The following CFLAR variants were observed in gnomAD, a reference collection of about 807,000 sequenced individuals.
CFLAR encodes CASP8 and FADD-like apoptosis regulator.
CFLAR carries 14 observed loss-of-function variants against 51.1 expected under a neutral mutation model. That is an observed-to-expected ratio of 0.27 (90% CI 0.18 to 0.43). The LOEUF (loss-of-function observed/expected upper bound fraction) is 0.43. Among genes scored for constraint, CFLAR ranks in the 20% least tolerant of loss-of-function variants. The pLI is 1.00. For synonymous variants in CFLAR, 210 were observed against 211.6 expected (o/e 0.99, Z 0.06); for missense variants, 390 against 566.5 (o/e 0.69, Z 3.16).
intron 4 of CFLAR, chr2:201,136,478 G>A (rs537664106): frequency 7.5e-5 from 120 of 1,593,456 alleles, no homozygotes; most frequent in African/African-American, 5.6e-4. Context: ...GTCCAACTTC[G>A]GGTGATGTCA....
chr2:201,117,420 G>A lies in CFLAR; in HGVS notation c.-138+939G>A, dbSNP rs568392495. Among the ~76,000 whole-genome samples, 5 of 152,292 alleles carry A rather than the reference G, an allele frequency of 3.3e-5. No individual in the cohort carries two copies. The South Asian group carries it at 1.0e-3, about 32-fold the overall frequency. ...GTAGAACAAAGGCCACTGAAATTCA[G>A]AATCAGTTTTTGGCTCCACGGGCAG... On this transcript the variant is annotated intron_variant, in intron 1 of 9. Transcript: ENST00000309955.
intron 5 of CFLAR, among the ~76,000 whole-genome samples, chr2:201,141,038 C>T (rs373297423): frequency 3.2e-4 from 48 of 152,188 alleles, no homozygotes; most frequent in African/African-American, 1.1e-3. Context: ...CGAGACTGGC[C>T]TGGCCAACAT....
rs1943924701 is a variant in CFLAR at position 201,170,147 on chromosome 2, AT to A, written c.*6175del. 1 of 152,236 alleles carries A rather than the reference AT, an allele frequency of 6.6e-6. No individual in the cohort carries two copies. Among genetic ancestry groups the A allele is most frequent in the Admixed American group, 6.5e-5 (1 of 15,280 alleles). The allele number at this position is 152,236 out of a possible 1,614,324, so 9.4% of individuals were successfully genotyped here. On this transcript the variant is annotated 3_prime_UTR_variant, in exon 10 of 10. Coordinates refer to ENST00000309955, the MANE Select transcript of CFLAR (RefSeq NM_003879.7). ...ATAAACCATTTTATTATAAAGATAC[AT>A]GCACATTTTTGTTCATTGCAGCACT...
chr2:201,145,063 G>A (rs1296528147), intron 5 of CFLAR, among the ~76,000 whole-genome samples: 1 of 152,064 alleles, frequency 6.6e-6, no homozygotes, highest in Non-Finnish European at 1.5e-5. Flanking sequence ...ATGTTGGCCA[G>A]GCCGGTCTGG....
intron 6 of CFLAR, chr2:201,148,263 T>G (rs1940631313): frequency 6.6e-6 from 1 of 152,190 alleles, no homozygotes. Flanking sequence ...TTATACATAT[T>G]TTTAATAATC....
At chr2:201,130,986 C>G (rs1321393565) in intron 2 of CFLAR, among the ~76,000 whole-genome samples, 1 of 152,226 alleles carries the variant, frequency 6.6e-6, no homozygotes, top group Admixed American at 6.5e-5. Flanking sequence ...TCAGGGTGGG[C>G]TCCCTTCCTG....
At chr2:201,126,529 G>A (rs926366034) in intron 1 of CFLAR, among the ~76,000 whole-genome samples, 1 of 152,180 alleles carries the variant, frequency 6.6e-6, no homozygotes, top group East Asian at 1.9e-4. Flanking sequence ...GTGAAAACAA[G>A]GCTAAGTGAT....
chr2:201,129,694 A>G (rs749654090), intron 1 of CFLAR, 35 bp from the exon 2 acceptor site: 3 of 623,460 alleles, frequency 4.8e-6, no homozygotes, highest in African/African-American at 1.8e-5. Flanking sequence ...AGTTAGCTTG[A>G]TAAGATTTTC....
At chr2:201,136,313 G>C (rs2050112077) in intron 4 of CFLAR, 1 of 1,598,760 alleles carries the variant, frequency 6.3e-7, no homozygotes, top group Non-Finnish European at 8.5e-7. Flanking sequence ...GTATATTCAT[G>C]ATCTCTGCAA....
At chr2:201,147,364 A>C (rs1215400989) in intron 6 of CFLAR, among the ~76,000 whole-genome samples, 2 of 151,946 alleles carry the variant, frequency 1.3e-5, no homozygotes, top group Non-Finnish European at 2.9e-5. Context: ...CCCCGTCTCT[A>C]CTAAAAATAC....
chr2:201,173,965 C>G lies in CFLAR; in HGVS notation c.*9992C>G, dbSNP rs1048250265. 2 of 152,260 alleles carry G rather than the reference C, an allele frequency of 1.3e-5. No homozygotes were observed. Among genetic ancestry groups the G allele is most frequent in the African/African-American group, 4.8e-5 (2 of 41,478 alleles). The allele number at this position is 152,260 out of a possible 1,614,324, so 9.4% of individuals were successfully genotyped here. A position where few individuals can be genotyped will look rare whatever the true frequency, so the allele number is the denominator to read the frequency against. On this transcript the variant is annotated 3_prime_UTR_variant, in exon 10 of 10. Coordinates refer to ENST00000309955, the MANE Select transcript of CFLAR (RefSeq NM_003879.7). ...AGGATTACAGGCGTGAGCCACCACA[C>G]CCGGTGGGTTGTCTTTTTATTGTTG...
Position 201,163,985 on chromosome 2 carries a change from G to A in CFLAR, c.*12G>A. 5.6e-6 allele frequency: 9 copies of A among 1,609,524 alleles called. No homozygotes were observed. Among genetic ancestry groups the A allele is most frequent in the Non-Finnish European group, 6.8e-6 (8 of 1,177,586 alleles). ...TCTCCTACACATAAGAAACCAAAAG[G>A]CTGGGCGTAGTGGCTCACACCTGTA... is the stretch of plus-strand genomic sequence containing the variant. On this transcript the variant is annotated 3_prime_UTR_variant, in exon 10 of 10. Coordinates refer to ENST00000309955, the MANE Select transcript of CFLAR (RefSeq NM_003879.7).
intron 7 of CFLAR, chr2:201,149,538 T>A: frequency 2.5e-6 from 1 of 394,402 alleles, no homozygotes; most frequent in Non-Finnish European, 4.6e-6. Flanking sequence ...TAAAATTAAA[T>A]AAAAATGAAA....
rs1180698649 is a variant in CFLAR, at chr2:201,138,775, A to T, written c.524-1582A>T. On this transcript the variant is annotated intron_variant, in intron 4 of 9. Coordinates refer to ENST00000309955, the MANE Select transcript of CFLAR (RefSeq NM_003879.7). The surrounding 1 kb of genome is among the most constrained non-coding windows in gnomAD (Gnocchi z 4.0). Reference sequence around the variant, plus strand: ...TCACTGGCCTGGAACTCTGGGGTGCAGTTGTGGTGAATGAAACCAGTACCT... The same window carrying T: ...TCACTGGCCTGGAACTCTGGGGTGCTGTTGTGGTGAATGAAACCAGTACCT... The T allele has an allele frequency of 1.3e-6, 1 of 767,986 alleles. No individual in the cohort carries two copies. Among genetic ancestry groups the T allele is most frequent in the Non-Finnish European group, 2.4e-6 (1 of 418,876 alleles). 47.6% of individuals were successfully genotyped at this position (767,986 alleles called of 1,614,324 possible). A position where few individuals can be genotyped will look rare whatever the true frequency, so the allele number is the denominator to read the frequency against.
intron 9 of CFLAR, chr2:201,163,155 C>T: frequency 1.1e-6 from 1 of 870,516 alleles, no homozygotes; most frequent in Non-Finnish European, 1.8e-6. Flanking sequence ...CTTATATTTC[C>T]TCAAGTTTTG....
Position 201,173,675 on chromosome 2 carries a change from T to TTA in CFLAR, c.*9704_*9705dup, listed in dbSNP as rs953841209. 9 of 151,950 alleles carry TTA rather than the reference T, an allele frequency of 5.9e-5. No individual in the cohort carries two copies. The highest frequency in any genetic ancestry group is 2.2e-4 in the African/African-American group (9 of 41,416). 9.4% of individuals were successfully genotyped at this position (151,950 alleles called of 1,614,324 possible). On this transcript the variant is annotated 3_prime_UTR_variant, in exon 10 of 10. Transcript: ENST00000309955. The stretch of plus-strand genomic sequence containing the variant: ...TTTCTCATTTTAAAACTGCGTTATT[T>TTA]TATTTTATTTTTCTGAGATGGAATC...
chr2:201,163,923 G>C lies in CFLAR; in HGVS notation c.1393G>C (p.Val465Leu). 1 of 1,614,082 alleles carries C rather than the reference G, an allele frequency of 6.2e-7. No individual in the cohort carries two copies. The highest frequency in any genetic ancestry group is 1.7e-5 in the Admixed American group (1 of 60,014). The change falls in exon 10 of 10, where the codon GTC becomes CTC. Residue 465 changes from valine to leucine, a missense_variant. By Grantham distance (32) the Val-to-Leu change is conservative (BLOSUM62 1). Coordinates refer to ENST00000309955, the MANE Select transcript of CFLAR (RefSeq NM_003879.7). ...AGTTTCTGCCAAGGAGAAATATTAT[G>C]TCTGGCTGCAGCACACTCTGAGAAA... ...SRVSAKEKYY[V>L]WLQHTLRKKL...
At chr2:201,145,481 T>A in intron 6 of CFLAR, 49 bp downstream of exon 6, 1 of 1,176,242 alleles carries the variant, frequency 8.5e-7, no homozygotes, top group East Asian at 2.3e-5. Flanking sequence ...GCTTGATAAT[T>A]CTAGTACAAA....
chr2:201,141,292 G>C, intron 5 of CFLAR: 1 of 1,472,698 alleles, frequency 6.8e-7, no homozygotes. Context: ...CCTAAAGGCA[G>C]CTGTTGTGAA....
Sources: gnomAD v4.1 joint callset for allele counts (sites outside exome capture counted in the v4.1 genomes callset) on GRCh38, gnomAD v4.1.1 for gene constraint, Gnocchi (gnomAD v3.1) non-coding constraint, MANE v1.5 for transcripts, NCBI Gene and HGNC (gene_info 2026-07-23, HGNC 2026-07-21) for gene names.